Variants in CACNA1I observed in about 807,000 individuals in gnomAD.
CACNA1I encodes calcium voltage-gated channel subunit alpha1 I.
CACNA1I carries 74 observed loss-of-function variants against 201.6 expected under a neutral mutation model. The ratio of observed to expected loss-of-function variants is 0.37; its 90% CI spans 0.30 to 0.45. The LOEUF (loss-of-function observed/expected upper bound fraction) is 0.45, where lower values mean the gene tolerates loss of function less well. Ranked by LOEUF, CACNA1I falls within the 20% of genes least tolerant of loss-of-function variation. CACNA1I has a pLI of 1.00. For missense variants in CACNA1I, 2,346 were observed against 3,138.1 expected (o/e 0.75, Z 6.03); for synonymous variants, 1,431 against 1,345.2 (o/e 1.06, Z -1.40).
intron 10 of CACNA1I, among the ~76,000 whole-genome samples, chr22:39,653,169 G>GTGGGTGCACGGATTCCCCC (rs1306953128): frequency 7.9e-5 from 12 of 151,792 alleles, no homozygotes; most frequent in Admixed American, 1.3e-4. Context: ...TGACTGCATT[G>GTGGGTGCACGGATTCCCCC]AGAACCTGGC....
intron 1 of CACNA1I, among the ~76,000 whole-genome samples, chr22:39,583,820 A>T (rs138935834): frequency 6.6e-6 from 1 of 152,240 alleles, no homozygotes; most frequent in African/African-American, 2.4e-5. Context: ...CTGCTGGACT[A>T]TGAGCTCCTT....
Position 39,666,017 on chromosome 22 carries a change from C to T in CACNA1I, c.4104+11C>T. On this transcript the variant is annotated intron_variant, in intron 23 of 36. Transcript: ENST00000402142. The surrounding 1 kb of genome is among the most constrained non-coding windows in gnomAD (Gnocchi z 4.1). Reference sequence around the variant, plus strand: ...GACAACCTGGGCCAGGTGAGCACCACCGTCCTAGCCCTGATCAGACCCTCC... The same window carrying T: ...GACAACCTGGGCCAGGTGAGCACCATCGTCCTAGCCCTGATCAGACCCTCC... 2.5e-6 allele frequency: 4 copies of T among 1,612,428 alleles called. No individual in the cohort carries two copies. Among genetic ancestry groups the T allele is most frequent in the South Asian group, 2.2e-5 (2 of 90,928 alleles).
intron 1 of CACNA1I, among the ~76,000 whole-genome samples, chr22:39,595,056 G>A (rs868791425): frequency 6.6e-6 from 1 of 152,112 alleles, no homozygotes; most frequent in Non-Finnish European, 1.5e-5. Context: ...TTGGGAGGCC[G>A]AGGCAGGCGG....
chr22:39,599,981 A>G (rs1339908394), intron 2 of CACNA1I, among the ~76,000 whole-genome samples: 1 of 152,196 alleles, frequency 6.6e-6, no homozygotes, highest in African/African-American at 2.4e-5. Flanking sequence ...CCTGGGGGCT[A>G]CTTTGAGACA....
intron 1 of CACNA1I, among the ~76,000 whole-genome samples, chr22:39,583,024 G>A (rs1167200840): frequency 1.1e-5 from 1 of 92,828 alleles, no homozygotes; most frequent in African/African-American, 4.7e-5. Flanking sequence ...TTCCATCCAA[G>A]CACCCAACCA....
rs371830631 is a variant in CACNA1I at position 39,675,960 on chromosome 22, G to T, written c.4855-1381G>T. ...AGCAGAATTGGGCTTTATCTTGCAG[G>T]CAGCAGGTGCCACAGGAGGGTTCTA... On this transcript the variant is annotated intron_variant, in intron 29 of 36. Coordinates refer to ENST00000402142, the MANE Select transcript of CACNA1I (RefSeq NM_021096.4). Among the ~76,000 whole-genome samples, 12 of 152,342 alleles carry T rather than the reference G, an allele frequency of 7.9e-5. No individual in the cohort carries two copies. The East Asian group carries it at 2.3e-3, about 29-fold the overall frequency.
intron 1 of CACNA1I, among the ~76,000 whole-genome samples, chr22:39,594,832 C>A (rs796441588): frequency 1.6e-4 from 25 of 152,228 alleles, no homozygotes; most frequent in African/African-American, 5.3e-4. Flanking sequence ...TAGCACCCCC[C>A]CTTACCCACA....
chr22:39,661,917 C>G, intron 16 of CACNA1I, 48 bp from the exon 17 acceptor site: 3 of 1,284,496 alleles, frequency 2.3e-6, no homozygotes, highest in Non-Finnish European at 3.1e-6. Context: ...GGTGCCCCAG[C>G]CGTGGGTGTG....
chr22:39,582,076 A>G (rs1932571011), intron 1 of CACNA1I, among the ~76,000 whole-genome samples: 1 of 152,202 alleles, frequency 6.6e-6, no homozygotes, highest in Non-Finnish European at 1.5e-5. Flanking sequence ...AGGTGGACAG[A>G]GCAGGGGGTG....
intron 4 of CACNA1I, among the ~76,000 whole-genome samples, chr22:39,622,517 C>A (rs538383642): frequency 6.0e-5 from 9 of 150,114 alleles, no homozygotes; most frequent in African/African-American, 9.8e-5. Context: ...TGGGCATGGA[C>A]CATGTGCCTG....
rs748559343 is a variant in CACNA1I, at chr22:39,598,178, G to A, written c.264G>A (p.Val88=). ...GGTTTGAATGTGTCAGCATGCTGGTGATCCTGCTGAACTGCGTGACACTTG... is the reference window on the plus strand; with the variant it reads ...GGTTTGAATGTGTCAGCATGCTGGTAATCCTGCTGAACTGCGTGACACTTG... ...NPWFECVSML[V]ILLNCVTLGM... Residue 88 remains valine (V), a synonymous_variant, in exon 2 of 37, where the codon GTG becomes GTA. Coordinates refer to ENST00000402142, the MANE Select transcript of CACNA1I (RefSeq NM_021096.4). 1 of 1,605,190 alleles carries A rather than the reference G, an allele frequency of 6.2e-7. No homozygotes were observed. The highest frequency in any genetic ancestry group is 1.3e-5 in the African/African-American group (1 of 74,748).
intron 29 of CACNA1I, among the ~76,000 whole-genome samples, chr22:39,674,588 G>T (rs538538038): frequency 6.6e-6 from 1 of 152,292 alleles, no homozygotes; most frequent in South Asian, 2.1e-4. Context: ...TGCGGTTAGT[G>T]AAAGGGGAGA....
chr22:39,642,516 A>G (rs1240843323), intron 6 of CACNA1I, among the ~76,000 whole-genome samples: 1 of 152,152 alleles, frequency 6.6e-6, no homozygotes, highest in Non-Finnish European at 1.5e-5. Context: ...CTGCTTTTCC[A>G]GCCCTCCCGC....
intron 35 of CACNA1I, among the ~76,000 whole-genome samples, chr22:39,683,650 C>T (rs925494510): frequency 6.6e-6 from 1 of 152,336 alleles, no homozygotes; most frequent in Middle Eastern, 3.4e-3. Context: ...CATTATCTCA[C>T]CCTCAACCTG....
rs199932036 is a variant in CACNA1I, at chr22:39,649,836, G to A, written c.1903G>A (p.Gly635Ser). Residue 635 changes from glycine (G) to serine (S), a missense_variant, in exon 10 of 37, where the codon GGC becomes AGC. Gly to Ser is a moderately conservative substitution (Grantham distance 56). This residue lies in a region of CACNA1I where 312 missense variants were observed against 331.5 expected (regional missense o/e 0.94). Coordinates refer to ENST00000402142, the MANE Select transcript of CACNA1I (RefSeq NM_021096.4). This position sits in a 1 kb window ranked among gnomAD's most constrained non-coding sequence, Gnocchi z 7.3. ...VWRETRAKLR[G>S]IVDSKYFNRG... ...GCGGGAGACGCGAGCCAAGCTGCGC[G>A]GCATCGTGGACAGCAAGTACTTCAA... 21 of 1,613,408 alleles carry A rather than the reference G, an allele frequency of 1.3e-5. No individual in the cohort carries two copies. The highest frequency in any genetic ancestry group is 1.1e-4 in the East Asian group (5 of 44,882).
chr22:39,682,808 A>G (rs1013825361), intron 35 of CACNA1I, 147 bp downstream of exon 35: 77 of 649,772 alleles, frequency 1.2e-4, no homozygotes, highest in Non-Finnish European at 1.6e-4. Flanking sequence ...TGACAATGAG[A>G]GATAGACTCT....
At chr22:39,675,057 G>A (rs770601912) in intron 29 of CACNA1I, among the ~76,000 whole-genome samples, 3 of 152,222 alleles carry the variant, frequency 2.0e-5, no homozygotes, top group Admixed American at 6.5e-5. Context: ...TGGGAGATGG[G>A]GGTGATGCTG....
intron 23 of CACNA1I, among the ~76,000 whole-genome samples, chr22:39,667,408 G>A (rs113993821): frequency 3.9e-5 from 6 of 152,158 alleles, no homozygotes; most frequent in Non-Finnish European, 5.9e-5. Context: ...GAGCGCAGAG[G>A]GGGGTGAGAC....
intron 1 of CACNA1I, among the ~76,000 whole-genome samples, chr22:39,582,749 C>A (rs1435478686): frequency 5.0e-5 from 7 of 140,102 alleles, no homozygotes; most frequent in African/African-American, 1.6e-4. Context: ...CATACACCCC[C>A]CCACCCATCT....
Sources: gnomAD v4.1 joint callset for allele counts (sites outside exome capture counted in the v4.1 genomes callset) on GRCh38, gnomAD v4.1.1 for gene constraint, gnomAD v4.1.1 regional missense constraint, Gnocchi (gnomAD v3.1) non-coding constraint, MANE v1.5 for transcripts, NCBI Gene and HGNC (gene_info 2026-07-23, HGNC 2026-07-21) for gene names.